The following SV2B variants were observed in gnomAD, a reference collection of about 807,000 sequenced individuals.
SV2B encodes solute carrier family 22 member B2.
Under a neutral mutation model 73.9 loss-of-function variants are expected in SV2B, and 41 were observed. The ratio of observed to expected loss-of-function variants is 0.56; its 90% CI spans 0.43 to 0.72. SV2B has a LOEUF of 0.72. Among genes scored for constraint, SV2B ranks in the 30% least tolerant of loss-of-function variants. The pLI is 0.00. For missense variants in SV2B, 764 were observed against 857.8 expected (o/e 0.89, Z 1.37); for synonymous variants, 314 against 314.2 (o/e 1.00, Z 0.01).
intron 1 of SV2B, among the ~76,000 whole-genome samples, chr15:91,199,025 T>G (rs774031467): frequency 2.6e-5 from 4 of 152,208 alleles, no homozygotes; most frequent in Non-Finnish European, 5.9e-5. Flanking sequence ...GTCTACTCAT[T>G]TATTTTTTAG....
At chr15:91,264,062 C>T (rs1165592702) in intron 6 of SV2B, among the ~76,000 whole-genome samples, 1 of 152,256 alleles carries the variant, frequency 6.6e-6, no homozygotes. Flanking sequence ...CCCTGTTCTG[C>T]CTGTCTGCCC....
chr15:91,256,677 C>G (rs1408903680), intron 4 of SV2B, among the ~76,000 whole-genome samples: 2 of 152,114 alleles, frequency 1.3e-5, no homozygotes, highest in East Asian at 3.8e-4. Flanking sequence ...CCAAGCTGTG[C>G]AAAAAGAGAT....
rs1172246827 is a variant in SV2B at position 91,283,615 on chromosome 15, T to TTTTA, written c.1508-390_1508-387dup. On this transcript the variant is annotated intron_variant, in intron 10 of 12. Coordinates refer to ENST00000394232, the MANE Select transcript of SV2B (RefSeq NM_001323032.3). This position sits in a 1 kb window ranked among gnomAD's most constrained non-coding sequence, Gnocchi z 4.3. The stretch of plus-strand genomic sequence containing the variant: ...CCCACCTAGCTAATTTAAAAGAAAA[T>TTTTA]TTTATTTATTTATTTATTTGTAGAG... Among the ~76,000 whole-genome samples the TTTTA allele has an allele frequency of 1.3e-5, 2 of 151,796 alleles. No individual in the cohort carries two copies. The highest frequency in any genetic ancestry group is 2.4e-5 in the African/African-American group (1 of 41,310).
intron 9 of SV2B, among the ~76,000 whole-genome samples, chr15:91,276,956 G>A (rs945670921): frequency 6.6e-6 from 1 of 151,978 alleles, no homozygotes; most frequent in African/African-American, 2.4e-5. Flanking sequence ...GAATAAGTGG[G>A]ATTACAGGCA....
rs943821880 is a variant in SV2B at position 91,240,248 on chromosome 15, C to G, written c.452-11571C>G. 1.3e-5 allele frequency among the ~76,000 whole-genome samples: 2 copies of G among 152,174 alleles called. No individual in the cohort carries two copies. Among genetic ancestry groups the G allele is most frequent in the African/African-American group, 4.8e-5 (2 of 41,438 alleles). On this transcript the variant is annotated intron_variant, in intron 2 of 12. Coordinates refer to ENST00000394232, the MANE Select transcript of SV2B (RefSeq NM_001323032.3). The surrounding 1 kb of genome is among the most constrained non-coding windows in gnomAD (Gnocchi z 4.6). ...ACACAAGTAACTTAACCTCCCTAAC[C>G]TTGGTTTCTTAATGTGTGATATTAA...
At chr15:91,160,392 G>C (rs1430111696) in intron 1 of SV2B, among the ~76,000 whole-genome samples, 4 of 152,168 alleles carry the variant, frequency 2.6e-5, no homozygotes, top group Non-Finnish European at 4.4e-5. Context: ...CAGATCACTT[G>C]AGGCCAGGAG....
intron 10 of SV2B, among the ~76,000 whole-genome samples, chr15:91,282,132 G>T (rs1189210002): frequency 6.6e-6 from 1 of 152,230 alleles, no homozygotes; most frequent in Non-Finnish European, 1.5e-5. Context: ...TGTCAGTGAG[G>T]CTGATGCTAT....
chr15:91,180,279 G>T (rs1185400019), intron 1 of SV2B, among the ~76,000 whole-genome samples: 4 of 151,890 alleles, frequency 2.6e-5, no homozygotes, highest in Non-Finnish European at 4.4e-5. Flanking sequence ...AGTCTGATGG[G>T]CTTCCCTTTG....
intron 1 of SV2B, among the ~76,000 whole-genome samples, chr15:91,157,244 C>G (rs534776169): frequency 2.6e-5 from 4 of 152,270 alleles, no homozygotes; most frequent in Admixed American, 2.0e-4. Context: ...TTGGGATGCA[C>G]AGGGAAGGAA....
chr15:91,135,300 T>C (rs1596460590), intron 1 of SV2B, among the ~76,000 whole-genome samples: 2 of 152,334 alleles, frequency 1.3e-5, no homozygotes, highest in East Asian at 3.9e-4. Context: ...TTTCATCCCG[T>C]TGGAGGCAAT....
intron 1 of SV2B, among the ~76,000 whole-genome samples, chr15:91,147,224 T>C (rs2043172085): frequency 6.6e-6 from 1 of 152,248 alleles, no homozygotes. Flanking sequence ...CTCAACCATG[T>C]TGGCAGAGTG....
intron 4 of SV2B, among the ~76,000 whole-genome samples, chr15:91,255,541 G>A (rs1329054044): frequency 1.3e-5 from 2 of 152,002 alleles, no homozygotes; most frequent in Non-Finnish European, 2.9e-5. Flanking sequence ...GGTGATGGGT[G>A]TACCAAAATC....
rs766967188 is a variant in SV2B, at chr15:91,260,300, T to C, written c.919-20T>C. 4.4e-6 allele frequency: 7 copies of C among 1,595,256 alleles called. No homozygotes were observed. Among genetic ancestry groups the C allele is most frequent in the Admixed American group, 1.8e-5 (1 of 54,754 alleles). ...TAGTCAGCAATGAATTTTTCCTGTG[T>C]CTTTCCTTGGTTTCACCAGATGGGC... On this transcript the variant is annotated intron_variant, in intron 5 of 12. Coordinates refer to ENST00000394232, the MANE Select transcript of SV2B (RefSeq NM_001323032.3).
rs2042846682 is a variant in SV2B at position 91,136,914 on chromosome 15, C to T, written c.-392+36551C>T. Among the ~76,000 whole-genome samples the T allele has an allele frequency of 6.6e-6, 1 of 152,136 alleles. No individual in the cohort carries two copies. The highest frequency in any genetic ancestry group is 1.5e-5 in the Non-Finnish European group (1 of 68,020). On this transcript the variant is annotated intron_variant, in intron 1 of 12. Transcript: ENST00000394232. This position sits in a 1 kb window ranked among gnomAD's most constrained non-coding sequence, Gnocchi z 5.6. ...TTATTCCTGCTCTCCTGGTCAATGG[C>T]AACTTACCTTGACCGGGATTTTGGC...
intron 2 of SV2B, among the ~76,000 whole-genome samples, chr15:91,247,528 T>C (rs2047284507): frequency 6.6e-6 from 1 of 152,062 alleles, no homozygotes; most frequent in South Asian, 2.1e-4. Flanking sequence ...AGGAAAGAGA[T>C]TGGAATGATT....
chr15:91,135,570 C>T (rs1166504332), intron 1 of SV2B, among the ~76,000 whole-genome samples: 2 of 152,164 alleles, frequency 1.3e-5, no homozygotes, highest in East Asian at 1.9e-4. Context: ...GGATAAGTCA[C>T]CCATAACTGT....
intron 1 of SV2B, among the ~76,000 whole-genome samples, chr15:91,166,692 A>G (rs568550953): frequency 1.3e-5 from 2 of 151,664 alleles, no homozygotes; most frequent in South Asian, 2.1e-4. Flanking sequence ...TAATTGACCT[A>G]TTTTCAAGTT....
chr15:91,285,856 A>G (rs1382314095), intron 11 of SV2B, among the ~76,000 whole-genome samples: 2 of 152,104 alleles, frequency 1.3e-5, no homozygotes, highest in Admixed American at 6.5e-5. Context: ...GACCTGCCAC[A>G]TGCCCCCTCA....
rs970665477 is a variant in SV2B at position 91,148,443 on chromosome 15, G to A, written c.-392+48080G>A. On this transcript the variant is annotated intron_variant, in intron 1 of 12. Transcript: ENST00000394232. ...TGTGGGGAGACAGCAAGTGAGAAGC[G>A]ATGAGGCGTGCTGTTGGGTTAGCCC... Among the ~76,000 whole-genome samples, 16 of 152,226 alleles carry A rather than the reference G, an allele frequency of 1.1e-4. No individual in the cohort carries two copies. The South Asian group carries it at 2.1e-3, about 20-fold the overall frequency.
Sources: gnomAD v4.1 joint callset for allele counts (sites outside exome capture counted in the v4.1 genomes callset) on GRCh38, gnomAD v4.1.1 for gene constraint, Gnocchi (gnomAD v3.1) non-coding constraint, MANE v1.5 for transcripts, NCBI Gene and HGNC (gene_info 2026-07-23, HGNC 2026-07-21) for gene names.